The following TMCC1 variants were observed in gnomAD, a reference collection of about 807,000 sequenced individuals.
The protein encoded by TMCC1 is transmembrane and coiled-coil domains protein 1.
TMCC1 carries 15 observed loss-of-function variants against 52.4 expected under a neutral mutation model. That is an observed-to-expected ratio of 0.29 (90% confidence interval 0.19 to 0.44). TMCC1 has a LOEUF of 0.44. TMCC1 is among the 20% of genes least tolerant of loss of function. The probability of loss-of-function intolerance (pLI) is 1.00; values close to 1 mark genes in which losing one functional copy is unlikely to be tolerated. For synonymous variants in TMCC1, 279 were observed against 301.9 expected (o/e 0.92, Z 0.79); for missense variants, 503 against 806.0 (o/e 0.62, Z 4.55).
At chr3:129,744,987 TAA>T (rs2051798029) in intron 4 of TMCC1, among the ~76,000 whole-genome samples, 2 of 152,194 alleles carry the variant, frequency 1.3e-5, no homozygotes, top group Admixed American at 1.3e-4. Flanking sequence ...TCAGAAAGTT[TAA>T]GAGATTTCTC....
intron 2 of TMCC1, among the ~76,000 whole-genome samples, chr3:129,851,397 C>T (rs2107901918): frequency 6.6e-6 from 1 of 152,264 alleles, no homozygotes; most frequent in South Asian, 2.1e-4. Context: ...AAGACTATCA[C>T]ATAAATCCCT....
At chr3:129,887,212 C>G (rs1159957792) in intron 1 of TMCC1, among the ~76,000 whole-genome samples, 1 of 151,238 alleles carries the variant, frequency 6.6e-6, no homozygotes, top group Non-Finnish European at 1.5e-5. Flanking sequence ...TATTTCAAAT[C>G]ATAAATTGTA....
At chr3:129,841,826 C>T (rs555745896) in intron 2 of TMCC1, among the ~76,000 whole-genome samples, 1 of 152,170 alleles carries the variant, frequency 6.6e-6, no homozygotes, top group African/African-American at 2.4e-5. Context: ...GTTCTGCCCC[C>T]ACTCCTGCCA....
chr3:129,863,437 C>T (rs1254847341), intron 2 of TMCC1, among the ~76,000 whole-genome samples: 3 of 152,102 alleles, frequency 2.0e-5, no homozygotes, highest in Non-Finnish European at 4.4e-5. Context: ...CAACTCTGTT[C>T]TATAATCTAA....
At chr3:129,689,462 A>T (rs2089644806) in intron 4 of TMCC1, among the ~76,000 whole-genome samples, 2 of 152,216 alleles carry the variant, frequency 1.3e-5, no homozygotes, top group Admixed American at 6.5e-5. Context: ...TATAAAGTAT[A>T]TCTACTAATA....
chr3:129,830,683 T>C (rs781024683), intron 3 of TMCC1, among the ~76,000 whole-genome samples: 3 of 152,226 alleles, frequency 2.0e-5, no homozygotes, highest in Non-Finnish European at 4.4e-5. Context: ...GTATAAAATA[T>C]GTTTATCCCA....
At chr3:129,804,797 T>C (rs2057373344) in intron 4 of TMCC1, among the ~76,000 whole-genome samples, 1 of 152,206 alleles carries the variant, frequency 6.6e-6, no homozygotes, top group African/African-American at 2.4e-5. Flanking sequence ...TAGGACCTAC[T>C]AGTTGTACTC....
chr3:129,689,875 C>G (rs945416521), intron 4 of TMCC1, among the ~76,000 whole-genome samples: 2 of 152,302 alleles, frequency 1.3e-5, no homozygotes, highest in Non-Finnish European at 2.9e-5. Flanking sequence ...TTTGTTTTCA[C>G]TTAAAAATTA....
intron 4 of TMCC1, among the ~76,000 whole-genome samples, chr3:129,743,250 CACTT>C (rs1199550451): frequency 6.6e-6 from 1 of 152,160 alleles, no homozygotes; most frequent in African/African-American, 2.4e-5. Flanking sequence ...AGACGAGTCT[CACTT>C]GTCAGTTTCC....
At chr3:129,818,950 A>C (rs2058269356) in intron 4 of TMCC1, 1 of 153,024 alleles carries the variant, frequency 6.5e-6, no homozygotes, top group African/African-American at 2.4e-5. Context: ...CAAGTGCAGT[A>C]ATGCTTACAA....
chr3:129,723,360 CTTTTT>C (rs62761061), intron 4 of TMCC1, among the ~76,000 whole-genome samples: 3 of 105,612 alleles, frequency 2.8e-5, no homozygotes, highest in Non-Finnish European at 1.9e-5. Context: ...AAATCTTTTT[CTTTTT>C]TTTTTTTTTT....
At chr3:129,767,387 A>T (rs1049091359) in intron 4 of TMCC1, among the ~76,000 whole-genome samples, 28 of 149,920 alleles carry the variant, frequency 1.9e-4, no homozygotes, top group East Asian at 5.8e-4. Flanking sequence ...TTTTTTTTTT[A>T]AATTGGAGAC....
At chr3:129,760,021 C>CA (rs969431083) in intron 4 of TMCC1, among the ~76,000 whole-genome samples, 13 of 150,066 alleles carry the variant, frequency 8.7e-5, no homozygotes, top group African/African-American at 3.0e-4. Flanking sequence ...GCACCCGGCC[C>CA]AAAAAAATTT....
intron 4 of TMCC1, among the ~76,000 whole-genome samples, chr3:129,763,353 G>A (rs934997527): frequency 6.7e-6 from 1 of 149,358 alleles, no homozygotes; most frequent in East Asian, 1.9e-4. Context: ...GACCAGTCTG[G>A]GCAACATGGT....
At chr3:129,847,425 C>T (rs2059715225) in intron 2 of TMCC1, 1 of 152,210 alleles carries the variant, frequency 6.6e-6, no homozygotes, top group African/African-American at 2.4e-5. Flanking sequence ...TCTCCAAGTA[C>T]ATACAATGTA....
At chr3:129,656,889 T>C (rs990608500) in intron 5 of TMCC1, among the ~76,000 whole-genome samples, 1 of 152,196 alleles carries the variant, frequency 6.6e-6, no homozygotes, top group Admixed American at 6.5e-5. Context: ...ATCCCTAGAA[T>C]TGATTTTCCA....
chr3:129,764,785 ATATATTTTTTTTTTTTTT>A (rs1299803734), intron 4 of TMCC1, among the ~76,000 whole-genome samples: 1 of 73,388 alleles, frequency 1.4e-5, no homozygotes. Context: ...ATATATATAT[ATATATTTTTTTTTTTTTT>A]TTTTTTTTTT....
At chr3:129,675,754 C>A (rs760821467) in intron 4 of TMCC1, among the ~76,000 whole-genome samples, 31 of 152,198 alleles carry the variant, frequency 2.0e-4, no homozygotes, top group Middle Eastern at 6.8e-3. Flanking sequence ...AACAACATTA[C>A]AGGCTAGGCG....
Position 129,870,581 on chromosome 3 carries a change from T to C in TMCC1, c.-184+9728A>G, listed in dbSNP as rs376470247. Among the ~76,000 whole-genome samples, 7 of 150,850 alleles carry C rather than the reference T, an allele frequency of 4.6e-5. No homozygotes were observed. In the East Asian group the frequency reaches 1.4e-3, roughly 30 times the overall value. The stretch of plus-strand genomic sequence containing the variant: ...GGTGAAACCCCATCTCCACTAAAAA[T>C]ACAAAAAATTAGCCAGGCGTGGTGG... On this transcript the variant is annotated intron_variant, in intron 2 of 6. Transcript: ENST00000393238.
Sources: allele counts gnomAD v4.1 joint callset (sites outside exome capture counted in the v4.1 genomes callset), GRCh38; gene constraint gnomAD v4.1.1; transcripts MANE v1.5; gene names NCBI Gene and HGNC (gene_info 2026-07-23, HGNC 2026-07-21).